Variants in MARCHF8 observed in about 807,000 individuals in gnomAD.
MARCHF8 encodes the protein membrane associated ring-CH-type finger 8, also known as E3 ubiquitin-protein ligase MARCHF8.
MARCHF8 carries 40 observed loss-of-function variants against 51.6 expected under a neutral mutation model. The observed-to-expected ratio is 0.77, with a 90% CI of 0.60 to 1.01. The LOEUF (loss-of-function observed/expected upper bound fraction) is 1.01. Among genes scored for constraint, MARCHF8 ranks in the 50% least tolerant of loss-of-function variants. MARCHF8 has a pLI of 0.00. For missense variants in MARCHF8, 685 were observed against 708.6 expected, an observed-to-expected ratio of 0.97 and a Z score of 0.38; for synonymous variants, 263 against 280.3, an observed-to-expected ratio of 0.94 and a Z score of 0.62.
chr10:45,567,227 T>C (rs1398629043), intron 1 of MARCHF8, among the ~76,000 whole-genome samples: 1 of 152,210 alleles, frequency 6.6e-6, no homozygotes, highest in African/African-American at 2.4e-5. Context: ...ATTCTGTACG[T>C]TGTCTCTTCC....
At chr10:45,519,543 G>T (rs1045622574) in intron 2 of MARCHF8, among the ~76,000 whole-genome samples, 26 of 152,208 alleles carry the variant, frequency 1.7e-4, no homozygotes, top group African/African-American at 6.3e-4. Flanking sequence ...TTCTGCCATT[G>T]TCAGACAAAA....
chr10:45,589,895 A>G (rs1382339203), intron 1 of MARCHF8, among the ~76,000 whole-genome samples: 1 of 152,214 alleles, frequency 6.6e-6, no homozygotes, highest in Non-Finnish European at 1.5e-5. Flanking sequence ...ATATTGGCAT[A>G]AATATATGTT....
Position 45,463,355 on chromosome 10 carries a change from C to A in MARCHF8, c.884G>T (p.Gly295Val). The A allele has an allele frequency of 6.4e-7, 1 of 1,550,828 alleles. No individual in the cohort carries two copies. Among genetic ancestry groups the A allele is most frequent in the South Asian group, 1.2e-5 (1 of 84,070 alleles). Residue 295 changes from glycine (G) to valine (V), a missense_variant, in exon 5 of 8, where the codon GGG (glycine) becomes GTG (valine). By Grantham distance (109) the Gly-to-Val change is moderately radical. Coordinates refer to ENST00000453424, the MANE Select transcript of MARCHF8 (RefSeq NM_001282866.2). ...ARLHTAKSSSGLAGSMGFCSD... is the reference protein window; with the variant it reads ...ARLHTAKSSSVLAGSMGFCSD... The stretch of plus-strand genomic sequence containing the variant: ...GCAGAAGCCCATACTCCCTGCCAGC[C>A]CGCTGGAGGACTTGGCAGTGTGCAG...
At chr10:45,509,507 A>C (rs1480653795) in intron 2 of MARCHF8, among the ~76,000 whole-genome samples, 1 of 152,212 alleles carries the variant, frequency 6.6e-6, no homozygotes, top group African/African-American at 2.4e-5. Flanking sequence ...TGCATAGATT[A>C]AATAAGAATC....
At chr10:45,528,258 G>A (rs757818700) in intron 2 of MARCHF8, among the ~76,000 whole-genome samples, 2 of 152,162 alleles carry the variant, frequency 1.3e-5, no homozygotes, top group Non-Finnish European at 2.9e-5. Context: ...GGCCAGAGCA[G>A]TAATGCAATA....
At chr10:45,538,866 T>C (rs1021285178), upstream of MARCHF8, among the ~76,000 whole-genome samples, 2 of 152,142 alleles carry the variant, frequency 1.3e-5, no homozygotes, top group Admixed American at 6.5e-5. Context: ...ACAGTAATAA[T>C]GGGAAAGTTT....
intron 1 of MARCHF8, among the ~76,000 whole-genome samples, chr10:45,533,515 CATGTATA>C (rs1428502419): frequency 1.3e-5 from 2 of 152,146 alleles, no homozygotes; most frequent in Non-Finnish European, 2.9e-5. Flanking sequence ...GGATCACGTA[CATGTATA>C]ATCAGAGATA....
intron 1 of MARCHF8, among the ~76,000 whole-genome samples, chr10:45,550,733 T>A (rs2044185907): frequency 6.6e-6 from 1 of 152,148 alleles, no homozygotes; most frequent in African/African-American, 2.4e-5. Flanking sequence ...GGGATGCTCT[T>A]TCCTCTTTGC....
chr10:45,492,379 G>A (rs559444664), intron 2 of MARCHF8, among the ~76,000 whole-genome samples: 53 of 151,120 alleles, frequency 3.5e-4, no homozygotes, highest in Non-Finnish European at 6.2e-4. Flanking sequence ...CTCACTGCAC[G>A]CTCCGCCTCC....
chr10:45,573,766 T>C (rs1174776835), intron 1 of MARCHF8, among the ~76,000 whole-genome samples: 1 of 152,160 alleles, frequency 6.6e-6, no homozygotes, highest in African/African-American at 2.4e-5. Flanking sequence ...TCCATCCCCT[T>C]CTTAATCAAT....
chr10:45,548,205 T>C (rs1192698847), intron 1 of MARCHF8, among the ~76,000 whole-genome samples: 2 of 152,190 alleles, frequency 1.3e-5, no homozygotes. Context: ...CAACAAAGCC[T>C]AATGCTGAAG....
chr10:45,508,695 G>T (rs1181109460), intron 2 of MARCHF8, among the ~76,000 whole-genome samples: 4 of 151,920 alleles, frequency 2.6e-5, no homozygotes, highest in Admixed American at 2.6e-4. Context: ...TACATTATTG[G>T]TACATAATAT....
chr10:45,590,879 T>C (rs934362267), intron 1 of MARCHF8, among the ~76,000 whole-genome samples: 14 of 152,194 alleles, frequency 9.2e-5, no homozygotes, highest in Non-Finnish European at 1.8e-4. Context: ...CCTGCACTTA[T>C]ACATCCAGAT....
At chr10:45,516,262 T>G (rs1268138999) in intron 2 of MARCHF8, among the ~76,000 whole-genome samples, 1 of 152,194 alleles carries the variant, frequency 6.6e-6, no homozygotes, top group Non-Finnish European at 1.5e-5. Context: ...TCTACTTCAT[T>G]CCCAGCCTAG....
rs1842554423 is a variant in MARCHF8 at position 45,454,798 on chromosome 10, G to C, written c.*3441C>G. ...TTTAGAAACTACACCACACATGCCAGTGTAAATTTGGTTTAACAATCAATT... is the reference window on the plus strand; with the variant it reads ...TTTAGAAACTACACCACACATGCCACTGTAAATTTGGTTTAACAATCAATT... On this transcript the variant is annotated 3_prime_UTR_variant, in exon 8 of 8. Transcript: ENST00000453424. 6.6e-6 allele frequency: 1 copy of C among 152,232 alleles called. No homozygotes were observed. Among genetic ancestry groups the C allele is most frequent in the Admixed American group, 6.5e-5 (1 of 15,286 alleles). 9.4% of individuals were successfully genotyped at this position (152,232 alleles called of 1,614,324 possible).
In MARCHF8 at chr10:45,463,190, G is replaced by A. The variant is rs1289948025; in HGVS notation, c.1049C>T (p.Pro350Leu). 1 of 1,550,496 alleles carries A rather than the reference G, an allele frequency of 6.4e-7. No homozygotes were observed. The highest frequency in any genetic ancestry group is 8.7e-7 in the Non-Finnish European group (1 of 1,147,016). The change falls in exon 5 of 8, where the codon CCC becomes CTC. Residue 350 changes from proline to leucine, a missense_variant. Transcript: ENST00000453424. ...TGACGTGGACACGGGAGATATGGGG[G>A]GTAATTTTTCAGAGAAGGGAGAAGG... ...DCPSPFSEKL[P>L]PISPVSTSGD...
rs114761455 is a variant in MARCHF8, at chr10:45,569,141, G to A, written c.-79+25094C>T. Among the ~76,000 whole-genome samples the A allele has an allele frequency of 6.7e-3, 1,019 of 151,682 alleles. 9 individuals carry two copies. The highest frequency in any genetic ancestry group is 0.023 in the African/African-American group (970 of 41,328). ...TAAGAAAGTTTACAAATTTGTATTG[G>A]ACTGAATGCAGCCCTTAAGCCATGG... is the stretch of plus-strand genomic sequence containing the variant. On this transcript the variant is annotated intron_variant, in intron 1 of 6. Transcript: ENST00000319836.
intron 1 of MARCHF8, among the ~76,000 whole-genome samples, chr10:45,554,989 G>T (rs537476814): frequency 6.6e-6 from 1 of 152,186 alleles, no homozygotes; most frequent in East Asian, 1.9e-4. Context: ...CGGAGGCAGA[G>T]GCTGAAGTGA....
chr10:45,517,199 T>A (rs1040957217), intron 2 of MARCHF8, among the ~76,000 whole-genome samples: 27 of 152,226 alleles, frequency 1.8e-4, no homozygotes, highest in African/African-American at 6.5e-4. Context: ...AAACTTTTCT[T>A]ATGGACTATA....
Sources: allele counts gnomAD v4.1 joint callset (sites outside exome capture counted in the v4.1 genomes callset), GRCh38; gene constraint gnomAD v4.1.1; transcripts MANE v1.5; gene names NCBI Gene and HGNC (gene_info 2026-07-23, HGNC 2026-07-21).